The following KAZN variants were observed in gnomAD, a reference collection of about 807,000 sequenced individuals.
KAZN encodes kazrin.
In KAZN, 40 loss-of-function variants were observed where a neutral mutation model predicts 87.4. The ratio of observed to expected loss-of-function variants is 0.46; its 90% CI spans 0.36 to 0.60. The LOEUF is 0.60. Among genes scored for constraint, KAZN ranks in the 20% least tolerant of loss-of-function variants. KAZN has a pLI of 0.00. For synonymous variants in KAZN, 466 were observed against 458.3 expected, an observed-to-expected ratio of 1.02 and a Z score of -0.22; for missense variants, 898 against 1,073.9, an observed-to-expected ratio of 0.84 and a Z score of 2.29.
At chr1:14,972,794 C>T (rs983285386) in intron 2 of KAZN, among the ~76,000 whole-genome samples, 1 of 152,056 alleles carries the variant, frequency 6.6e-6, no homozygotes, top group African/African-American at 2.4e-5. Context: ...GGATTACAGG[C>T]GGGAGCCGCT....
chr1:14,700,333 A>G (rs949171776), intron 1 of KAZN, among the ~76,000 whole-genome samples: 4 of 152,066 alleles, frequency 2.6e-5, no homozygotes, highest in African/African-American at 7.2e-5. Context: ...TTAGTTGGCC[A>G]TGGTGGTGTG....
At chr1:14,259,148 C>T (rs1274835307) in intron 2 of KAZN, among the ~76,000 whole-genome samples, 1 of 151,982 alleles carries the variant, frequency 6.6e-6, no homozygotes, top group Admixed American at 6.6e-5. Context: ...TGAAAGGTGG[C>T]TCACGTGGCT....
intron 2 of KAZN, among the ~76,000 whole-genome samples, chr1:15,012,018 C>G (rs999703842): frequency 6.6e-6 from 1 of 152,166 alleles, no homozygotes; most frequent in Non-Finnish European, 1.5e-5. Flanking sequence ...TGCATCTGTT[C>G]TTAGCTGCTG....
At chr1:13,899,544 T>G (rs1282809940) in intron 1 of KAZN, among the ~76,000 whole-genome samples, 7 of 152,194 alleles carry the variant, frequency 4.6e-5, no homozygotes, top group Non-Finnish European at 1.0e-4. Context: ...TGACAGTCAC[T>G]CCTCATAACA....
At chr1:14,579,583 C>T (rs988430078) in intron 2 of KAZN, among the ~76,000 whole-genome samples, 1 of 151,532 alleles carries the variant, frequency 6.6e-6, no homozygotes, top group Admixed American at 6.6e-5. Flanking sequence ...CGAGATCGCA[C>T]CACTGCACTG....
At chr1:14,015,485 TTTTTTTTTTTTTG>T (rs1640522945) in intron 1 of KAZN, among the ~76,000 whole-genome samples, 1 of 123,730 alleles carries the variant, frequency 8.1e-6, no homozygotes, top group African/African-American at 3.7e-5. Context: ...TTTTTTTTTT[TTTTTTTTTTTTTG>T]AGATGGAGTT....
intron 7 of KAZN, among the ~76,000 whole-genome samples, chr1:15,065,252 T>C (rs545501510): frequency 6.6e-6 from 1 of 152,194 alleles, no homozygotes; most frequent in Admixed American, 6.5e-5. Context: ...GGTCTCGAAC[T>C]CCCGACCCCA....
chr1:14,268,631 G>T (rs1470910036), intron 2 of KAZN, among the ~76,000 whole-genome samples: 2 of 152,110 alleles, frequency 1.3e-5, no homozygotes, highest in African/African-American at 4.8e-5. Context: ...TCCCTCTCCA[G>T]TTGGCTTTCA....
At chr1:14,907,011 C>T (rs1184363585) in intron 1 of KAZN, among the ~76,000 whole-genome samples, 2 of 151,704 alleles carry the variant, frequency 1.3e-5, no homozygotes, top group South Asian at 2.1e-4. Context: ...GGCATGGTGG[C>T]GGGTACTCAA....
chr1:14,170,153 C>T (rs1347278338), intron 1 of KAZN, among the ~76,000 whole-genome samples: 4 of 152,204 alleles, frequency 2.6e-5, no homozygotes, highest in Admixed American at 2.0e-4. Context: ...TCTCAAACCC[C>T]ACAGGCTCAG....
intron 2 of KAZN, among the ~76,000 whole-genome samples, chr1:14,494,606 G>C (rs544709424): frequency 6.6e-6 from 1 of 152,130 alleles, no homozygotes; most frequent in African/African-American, 2.4e-5. Context: ...TGGCAAGGCA[G>C]GTCCTTTCGT....
upstream of KAZN, among the ~76,000 whole-genome samples, chr1:14,595,680 CA>C (rs34080804): frequency 0.56 from 54,336 of 96,340 alleles, 11,456 homozygotes; most frequent in Middle Eastern, 0.7. Flanking sequence ...GACTGCGTCT[CA>C]AAAAAAAAAA....
intron 2 of KAZN, among the ~76,000 whole-genome samples, chr1:14,984,996 C>T (rs12747220): frequency 0.057 from 8,612 of 151,938 alleles, 415 homozygotes; most frequent in Non-Finnish European, 0.088. Context: ...ATTAGCCAGG[C>T]GTGGTGGTGC....
chr1:14,629,484 G>A (rs371952297), intron 1 of KAZN, among the ~76,000 whole-genome samples: 12 of 152,314 alleles, frequency 7.9e-5, no homozygotes, highest in Admixed American at 5.9e-4. Flanking sequence ...GGAAAACCTC[G>A]CAGGCTGCGA....
At chr1:14,323,794 G>A (rs1656214452) in intron 2 of KAZN, among the ~76,000 whole-genome samples, 1 of 152,102 alleles carries the variant, frequency 6.6e-6, no homozygotes, top group Non-Finnish European at 1.5e-5. Flanking sequence ...CCATTCAGAG[G>A]TTTTTAGCAA....
At chr1:14,854,218 T>C (rs1026095209) in intron 1 of KAZN, among the ~76,000 whole-genome samples, 5 of 152,178 alleles carry the variant, frequency 3.3e-5, no homozygotes, top group African/African-American at 1.2e-4. Flanking sequence ...ACCCAACAAA[T>C]GCTTGTTGAG....
intron 1 of KAZN, among the ~76,000 whole-genome samples, chr1:14,098,493 A>T (rs1644178568): frequency 6.6e-6 from 1 of 152,198 alleles, no homozygotes; most frequent in East Asian, 1.9e-4. Context: ...TTGCAACATT[A>T]TGTAAATGAC....
At chr1:14,934,949 T>C (rs990577874) in intron 1 of KAZN, among the ~76,000 whole-genome samples, 1 of 152,228 alleles carries the variant, frequency 6.6e-6, no homozygotes, top group African/African-American at 2.4e-5. Context: ...ATCGCTGATC[T>C]GGGGTAGCCC....
chr1:14,473,594 G>A (rs183928299), intron 2 of KAZN, among the ~76,000 whole-genome samples: 32 of 149,562 alleles, frequency 2.1e-4, no homozygotes, highest in Admixed American at 2.7e-4. Context: ...CCACAAGATC[G>A]CGCCACTGCA....
Sources: allele counts gnomAD v4.1 joint callset (sites outside exome capture counted in the v4.1 genomes callset), GRCh38; gene constraint gnomAD v4.1.1; transcripts MANE v1.5; gene names NCBI Gene and HGNC (gene_info 2026-07-23, HGNC 2026-07-21).